The following PLPP3 variants were observed in gnomAD, a reference collection of about 807,000 sequenced individuals.
PLPP3 encodes PAP2 beta.
A neutral mutation model predicts 29.6 loss-of-function variants in PLPP3; 6 were observed. That is an observed-to-expected ratio of 0.20 (90% CI 0.11 to 0.40). PLPP3 has a LOEUF of 0.40. Ranked by LOEUF, PLPP3 falls within the 10% of genes least tolerant of loss-of-function variation. The pLI, the probability that PLPP3 is intolerant of heterozygous loss-of-function variation, is 1.00. For synonymous variants in PLPP3, 152 were observed against 159.7 expected, an observed-to-expected ratio of 0.95 and a Z score of 0.36; for missense variants, 308 against 407.7, an observed-to-expected ratio of 0.76 and a Z score of 2.11.
rs530875590 is a variant in PLPP3 at position 56,577,380 on chromosome 1, C to T, written c.139+1498G>A. 4.6e-5 allele frequency among the ~76,000 whole-genome samples: 7 copies of T among 152,276 alleles called. No individual in the cohort carries two copies. In the East Asian group the frequency reaches 1.4e-3, roughly 29 times the overall value. On this transcript the variant is annotated intron_variant, in intron 1 of 5. Transcript: ENST00000371250. ...TTGAGAGACGTGGAAATGGGATGTG[C>T]CACCTGAACTACAGTGACTTTTCTT... is the stretch of plus-strand genomic sequence containing the variant.
intron 1 of PLPP3, among the ~76,000 whole-genome samples, chr1:56,539,816 T>C (rs933374621): frequency 1.3e-4 from 20 of 152,184 alleles, no homozygotes; most frequent in African/African-American, 4.8e-4. Context: ...GAAAAGTAGC[T>C]GAGAAGCCAG....
chr1:56,527,404 C>T (rs1322700215), intron 2 of PLPP3, among the ~76,000 whole-genome samples: 1 of 152,134 alleles, frequency 6.6e-6, no homozygotes, highest in Non-Finnish European at 1.5e-5. Context: ...AGTGACTTTT[C>T]TGAAGGATTT....
chr1:56,578,588 T>A (rs1039669887), intron 1 of PLPP3, among the ~76,000 whole-genome samples: 2 of 152,166 alleles, frequency 1.3e-5, no homozygotes, highest in Non-Finnish European at 2.9e-5. Context: ...TCCGCGGGAT[T>A]CCGCCCGGGC....
chr1:56,556,839 T>C (rs968847717), intron 1 of PLPP3, among the ~76,000 whole-genome samples: 1 of 146,720 alleles, frequency 6.8e-6, no homozygotes, highest in Non-Finnish European at 1.5e-5. Flanking sequence ...GGTGGATAGA[T>C]TGCTTGAGGT....
At chr1:56,501,909 C>T (rs1477454476) in intron 5 of PLPP3, among the ~76,000 whole-genome samples, 2 of 152,168 alleles carry the variant, frequency 1.3e-5, no homozygotes, top group South Asian at 2.1e-4. Flanking sequence ...AGAATCTGCT[C>T]TCAAAGTTCT....
chr1:56,520,434 T>C (rs11582172), intron 4 of PLPP3, among the ~76,000 whole-genome samples: 14,633 of 152,122 alleles, frequency 0.096, 879 homozygotes, highest in South Asian at 0.17. Flanking sequence ...GTCCAGTCTC[T>C]TTGCCCAACT....
rs1262131518 is a variant in PLPP3, at chr1:56,579,292, CT to C, written c.-277del. The C allele has an allele frequency of 2.4e-6, 1 of 412,314 alleles. No individual in the cohort carries two copies. Among genetic ancestry groups the C allele is most frequent in the East Asian group, 5.6e-5 (1 of 17,930 alleles). 25.5% of individuals were successfully genotyped at this position (412,314 alleles called of 1,614,324 possible). On this transcript the variant is annotated 5_prime_UTR_variant, in exon 1 of 6. Transcript: ENST00000371250. ...AAGAGAGCCAGATCCCGAGCAGAAA[CT>C]TTTGCAGAGCTGCGCAGCTTGGGGC...
At chr1:56,578,823 C>G in intron 1 of PLPP3, 55 bp downstream of exon 1, 1 of 1,472,740 alleles carries the variant, frequency 6.8e-7, no homozygotes, top group Admixed American at 2.3e-5. Context: ...TGGGCTGGGA[C>G]GCGCGCCGAG....
chr1:56,541,162 A>G (rs1230339830), intron 1 of PLPP3, among the ~76,000 whole-genome samples: 1 of 152,168 alleles, frequency 6.6e-6, no homozygotes, highest in Non-Finnish European at 1.5e-5. Flanking sequence ...TGTCCAACAG[A>G]GGGTGGGAGA....
intron 4 of PLPP3, among the ~76,000 whole-genome samples, chr1:56,519,671 G>C (rs1019878817): frequency 7.2e-5 from 11 of 152,008 alleles, no homozygotes; most frequent in African/African-American, 2.7e-4. Context: ...GGTCAATACA[G>C]ACGTGGTCCT....
At chr1:56,500,049 G>A (rs1329844883) in intron 5 of PLPP3, among the ~76,000 whole-genome samples, 1 of 152,208 alleles carries the variant, frequency 6.6e-6, no homozygotes, top group Non-Finnish European at 1.5e-5. Context: ...GCACAGAGAA[G>A]AGATCTAAGT....
Position 56,579,352 on chromosome 1 carries a change from G to C in PLPP3, c.-336C>G, listed in dbSNP as rs1019743351. 11 of 292,152 alleles carry C rather than the reference G, an allele frequency of 3.8e-5. No homozygotes were observed. The highest frequency in any genetic ancestry group is 2.1e-4 in the African/African-American group (9 of 43,506). The allele number at this position is 292,152 out of a possible 1,614,324, so 18.1% of individuals were successfully genotyped here. On this transcript the variant is annotated 5_prime_UTR_variant, in exon 1 of 6. Coordinates refer to ENST00000371250, the MANE Select transcript of PLPP3 (RefSeq NM_003713.5). ...GTGGCGCGCGTCTGAGTGCGCGAGC[G>C]AGCGAGTGGGCAGCGCGGGCGCTCG...
chr1:56,511,449 G>A (rs1055005062), intron 5 of PLPP3, among the ~76,000 whole-genome samples: 1 of 152,132 alleles, frequency 6.6e-6, no homozygotes, highest in African/African-American at 2.4e-5. Context: ...ACTGAGTTTA[G>A]GGTCTGTGTG....
At chr1:56,555,964 AT>A (rs912204520) in intron 1 of PLPP3, among the ~76,000 whole-genome samples, 158 of 152,180 alleles carry the variant, frequency 1.0e-3, no homozygotes, top group African/African-American at 3.4e-3. Flanking sequence ...CGAGGAAGAC[AT>A]TTTTTTTCCC....
At chr1:56,535,310 A>T (rs1645918380) in intron 2 of PLPP3, among the ~76,000 whole-genome samples, 1 of 152,188 alleles carries the variant, frequency 6.6e-6, no homozygotes, top group African/African-American at 2.4e-5. Context: ...TGGGGTTTCA[A>T]GGGTGAAATG....
intron 5 of PLPP3, among the ~76,000 whole-genome samples, chr1:56,505,055 T>C (rs1645693324): frequency 6.6e-6 from 1 of 152,220 alleles, no homozygotes; most frequent in Non-Finnish European, 1.5e-5. Flanking sequence ...GTGCCTCTAT[T>C]GGGTTATGAT....
intron 5 of PLPP3, among the ~76,000 whole-genome samples, chr1:56,507,872 G>A (rs1645714304): frequency 6.6e-6 from 1 of 152,144 alleles, no homozygotes; most frequent in African/African-American, 2.4e-5. Flanking sequence ...GAGAGAGAGG[G>A]AGAAGTGAAG....
intron 1 of PLPP3, among the ~76,000 whole-genome samples, chr1:56,557,048 G>A (rs376417572): frequency 0.1 from 811 of 7,808 alleles, 306 homozygotes; most frequent in Admixed American, 0.21. Context: ...GAGAGAGAGA[G>A]AGAGAGAGAG....
Position 56,524,688 on chromosome 1 carries a change from T to C in PLPP3, c.298-134A>G. On this transcript the variant is annotated intron_variant, in intron 2 of 5. Transcript: ENST00000371250. The surrounding 1 kb of genome is among the most constrained non-coding windows in gnomAD (Gnocchi z 4.3). ...GTGTCCTAATTTTCTATTTATGAAATATACAGACACAAATATGCACAGAAG... is the reference window on the plus strand; with the variant it reads ...GTGTCCTAATTTTCTATTTATGAAACATACAGACACAAATATGCACAGAAG... The C allele has an allele frequency of 2.8e-6, 3 of 1,064,582 alleles. No individual in the cohort carries two copies. Among genetic ancestry groups the C allele is most frequent in the Non-Finnish European group, 4.0e-6 (3 of 745,618 alleles). 65.9% of individuals were successfully genotyped at this position (1,064,582 alleles called of 1,614,324 possible). A position where few individuals can be genotyped will look rare whatever the true frequency, so the allele number is the denominator to read the frequency against.
Sources: allele counts gnomAD v4.1 joint callset (sites outside exome capture counted in the v4.1 genomes callset), GRCh38; gene constraint gnomAD v4.1.1; non-coding constraint Gnocchi (gnomAD v3.1); transcripts MANE v1.5; gene names NCBI Gene and HGNC (gene_info 2026-07-23, HGNC 2026-07-21).